The following EPB41L2 variants were observed in gnomAD, a reference collection of about 807,000 sequenced individuals.
The protein encoded by EPB41L2 is band 4.1-like protein 2.
A neutral mutation model predicts 113.0 loss-of-function variants in EPB41L2; 43 were observed. The ratio of observed to expected loss-of-function variants is 0.38; its 90% CI spans 0.30 to 0.49. The LOEUF (loss-of-function observed/expected upper bound fraction) is 0.49, where lower values mean the gene tolerates loss of function less well. Among genes scored for constraint, EPB41L2 ranks in the 20% least tolerant of loss-of-function variants. The pLI is 0.95. For missense variants in EPB41L2, 1,147 were observed against 1,223.4 expected, an observed-to-expected ratio of 0.94 and a Z score of 0.93; for synonymous variants, 442 against 436.7, an observed-to-expected ratio of 1.01 and a Z score of -0.15.
intron 1 of EPB41L2, among the ~76,000 whole-genome samples, chr6:130,961,211 A>G (rs1773422941): frequency 6.6e-6 from 1 of 152,220 alleles, no homozygotes; most frequent in African/African-American, 2.4e-5. Context: ...CTTTCTACTT[A>G]TCATCAACTA....
At chr6:130,896,132 A>G (rs1794582626) in intron 8 of EPB41L2, among the ~76,000 whole-genome samples, 1 of 152,228 alleles carries the variant, frequency 6.6e-6, no homozygotes, top group African/African-American at 2.4e-5. Flanking sequence ...CATTTTGTCT[A>G]TCTTATTACT....
At chr6:130,846,476 G>A (rs570252643) in intron 19 of EPB41L2, among the ~76,000 whole-genome samples, 5 of 152,158 alleles carry the variant, frequency 3.3e-5, no homozygotes, top group Non-Finnish European at 5.9e-5. Context: ...AACTACTGCC[G>A]TTTTCTTCTG....
intron 1 of EPB41L2, among the ~76,000 whole-genome samples, chr6:130,997,746 CAT>C: frequency 6.6e-6 from 1 of 152,192 alleles, no homozygotes; most frequent in South Asian, 2.1e-4. Context: ...AGGACTATTG[CAT>C]TTCAGGGGGG....
chr6:130,908,749 T>C, intron 5 of EPB41L2, 72 bp downstream of exon 5: 1 of 1,201,700 alleles, frequency 8.3e-7, no homozygotes, highest in Non-Finnish European at 1.2e-6. Context: ...GACCATTCTA[T>C]TACTGATCAT....
chr6:131,039,510 T>C (rs1794016817), intron 1 of EPB41L2, among the ~76,000 whole-genome samples: 1 of 152,242 alleles, frequency 6.6e-6, no homozygotes, highest in South Asian at 2.1e-4. Context: ...CATCTAACTT[T>C]ACCCTGTTTT....
intron 19 of EPB41L2, among the ~76,000 whole-genome samples, chr6:130,847,555 A>C (rs1187078031): frequency 6.6e-6 from 1 of 152,232 alleles, no homozygotes; most frequent in African/African-American, 2.4e-5. Flanking sequence ...ATTGCATTAT[A>C]TCTTTAGGAA....
intron 3 of EPB41L2, among the ~76,000 whole-genome samples, chr6:130,954,299 C>A (rs958176753): frequency 2.0e-5 from 3 of 151,992 alleles, no homozygotes; most frequent in Non-Finnish European, 4.4e-5. Context: ...GTGATCCGCC[C>A]GCCTTGGCCT....
At chr6:131,007,193 G>A (rs1246914661) in intron 1 of EPB41L2, among the ~76,000 whole-genome samples, 2 of 152,146 alleles carry the variant, frequency 1.3e-5, no homozygotes, top group Non-Finnish European at 2.9e-5. Flanking sequence ...TCAAGGGTAG[G>A]ACCAGGTGGG....
chr6:130,940,204 G>A (rs527455138), intron 3 of EPB41L2, among the ~76,000 whole-genome samples: 2 of 152,288 alleles, frequency 1.3e-5, no homozygotes, highest in African/African-American at 4.8e-5. Flanking sequence ...GCAAGATGAA[G>A]ATTCCTAGTT....
At chr6:131,014,287 A>G (rs1787704590) in intron 1 of EPB41L2, 1 of 152,218 alleles carries the variant, frequency 6.6e-6, no homozygotes, top group Non-Finnish European at 1.5e-5. Context: ...TAAATTATGC[A>G]ACAGCTATAA....
chr6:131,042,134 T>C (rs80004775), intron 1 of EPB41L2, among the ~76,000 whole-genome samples: 2 of 152,214 alleles, frequency 1.3e-5, no homozygotes, highest in Non-Finnish European at 2.9e-5. Context: ...TTCATTATTC[T>C]ACTCTATGTT....
chr6:130,950,308 A>C (rs1023067369), intron 3 of EPB41L2, among the ~76,000 whole-genome samples: 2 of 152,080 alleles, frequency 1.3e-5, no homozygotes, highest in Non-Finnish European at 2.9e-5. Context: ...TTGGGAAAAA[A>C]TATATAATGG....
intron 1 of EPB41L2, among the ~76,000 whole-genome samples, chr6:130,960,313 T>C (rs554607008): frequency 6.6e-6 from 1 of 152,362 alleles, no homozygotes; most frequent in South Asian, 2.1e-4. Flanking sequence ...TATTCTCAGA[T>C]TTATTCAAAA....
intron 4 of EPB41L2, among the ~76,000 whole-genome samples, chr6:130,920,481 C>T (rs1802523047): frequency 6.6e-6 from 1 of 152,098 alleles, no homozygotes; most frequent in African/African-American, 2.4e-5. Flanking sequence ...TTTACACTCA[C>T]TGTCAAATTT....
chr6:131,060,343 G>A (rs977542846), intron 1 of EPB41L2, among the ~76,000 whole-genome samples: 11 of 152,230 alleles, frequency 7.2e-5, no homozygotes, highest in Non-Finnish European at 1.6e-4. Flanking sequence ...AGAACCTGAT[G>A]TTAAACATAA....
At chr6:130,958,002 T>C (rs1293880438) in intron 1 of EPB41L2, among the ~76,000 whole-genome samples, 1 of 152,240 alleles carries the variant, frequency 6.6e-6, no homozygotes, top group East Asian at 1.9e-4. Context: ...TCACATCTAA[T>C]ATGCAACCAC....
intron 1 of EPB41L2, among the ~76,000 whole-genome samples, chr6:130,998,177 C>T (rs980009858): frequency 2.0e-5 from 3 of 152,204 alleles, no homozygotes; most frequent in Non-Finnish European, 4.4e-5. Context: ...CAGCATCAGA[C>T]AGATCTGAGT....
chr6:130,880,124 T>C lies in EPB41L2; in HGVS notation c.1896+20A>G. ...CCGGGCAGCCATTAGGACAGAGTTG[T>C]TTTCTTAGATTATACAAACCTCCAA... On this transcript the variant is annotated intron_variant, in intron 13 of 19. Coordinates refer to ENST00000337057, the MANE Select transcript of EPB41L2 (RefSeq NM_001431.4). 1 of 1,583,526 alleles carries C rather than the reference T, an allele frequency of 6.3e-7. No individual in the cohort carries two copies. Among genetic ancestry groups the C allele is most frequent in the Non-Finnish European group, 8.7e-7 (1 of 1,152,778 alleles).
chr6:130,988,317 T>C (rs774183958), intron 1 of EPB41L2, among the ~76,000 whole-genome samples: 1 of 152,206 alleles, frequency 6.6e-6, no homozygotes, highest in Non-Finnish European at 1.5e-5. Flanking sequence ...CTTTCAGGCA[T>C]ACTGAGTTTG....
Sources: allele counts gnomAD v4.1 joint callset (sites outside exome capture counted in the v4.1 genomes callset), GRCh38; gene constraint gnomAD v4.1.1; transcripts MANE v1.5; gene names NCBI Gene and HGNC (gene_info 2026-07-23, HGNC 2026-07-21).